KIF26B: variants seen among roughly 807,000 people sequenced by gnomAD.
KIF26B encodes kinesin-like protein KIF26B.
A neutral mutation model predicts 151.2 loss-of-function variants in KIF26B; 63 were observed. The observed-to-expected ratio is 0.42, with a 90% CI of 0.34 to 0.51. The LOEUF is 0.51. KIF26B is among the 20% of genes least tolerant of loss of function. The pLI is 0.07. For synonymous variants in KIF26B, 1,357 were observed against 1,262.1 expected, an observed-to-expected ratio of 1.08 and a Z score of -1.59; for missense variants, 2,813 against 2,913.6, an observed-to-expected ratio of 0.97 and a Z score of 0.79.
At chr1:245,503,766 C>T (rs367678559) in intron 4 of KIF26B, among the ~76,000 whole-genome samples, 2 of 152,154 alleles carry the variant, frequency 1.3e-5, no homozygotes, top group African/African-American at 4.8e-5. Flanking sequence ...TCGGCGTTGC[C>T]GCAGGGTGGC....
chr1:245,361,117 T>C (rs1365563663), intron 2 of KIF26B, among the ~76,000 whole-genome samples: 1 of 152,236 alleles, frequency 6.6e-6, no homozygotes, highest in African/African-American at 2.4e-5. Flanking sequence ...CTCCCTTTTC[T>C]TTTGACGTGG....
intron 4 of KIF26B, among the ~76,000 whole-genome samples, chr1:245,481,463 C>A (rs772682059): frequency 6.6e-6 from 1 of 151,858 alleles, no homozygotes; most frequent in Non-Finnish European, 1.5e-5. Flanking sequence ...GGGAAAGGAG[C>A]ATGGTGGTTG....
At chr1:245,188,855 T>C (rs907597824) in intron 2 of KIF26B, among the ~76,000 whole-genome samples, 6 of 152,228 alleles carry the variant, frequency 3.9e-5, no homozygotes, top group African/African-American at 1.4e-4. Context: ...TCTATGTATT[T>C]ACAATGGAAT....
chr1:245,574,853 CTTTTTTTTTTCTTTTTTTTTTTTT>C (rs1342199770), intron 5 of KIF26B, among the ~76,000 whole-genome samples: 8 of 138,970 alleles, frequency 5.8e-5, no homozygotes, highest in African/African-American at 2.1e-4. Flanking sequence ...ATATCTTTTT[CTTTTTTTTTTCTTTTTTTTTTTTT>C]TTTTGAGACA....
intron 9 of KIF26B, among the ~76,000 whole-genome samples, chr1:245,627,468 T>C (rs2043736305): frequency 6.6e-6 from 1 of 152,116 alleles, no homozygotes; most frequent in South Asian, 2.1e-4. Flanking sequence ...CCAGAAGCTC[T>C]GGGACACCGC....
chr1:245,436,501 G>A (rs1658936259), intron 4 of KIF26B, among the ~76,000 whole-genome samples: 1 of 152,200 alleles, frequency 6.6e-6, no homozygotes, highest in Non-Finnish European at 1.5e-5. Flanking sequence ...TGTGATCGTG[G>A]GGGTTGGCAA....
chr1:245,679,634 A>G (rs764619440), intron 10 of KIF26B, among the ~76,000 whole-genome samples: 3 of 151,398 alleles, frequency 2.0e-5, no homozygotes, highest in Non-Finnish European at 4.4e-5. Flanking sequence ...ATGCCCAGAT[A>G]ATTTTTGTAT....
chr1:245,432,906 T>C (rs1241385501), intron 4 of KIF26B, among the ~76,000 whole-genome samples: 1 of 152,194 alleles, frequency 6.6e-6, no homozygotes, highest in Non-Finnish European at 1.5e-5. Context: ...CTGGTTGACA[T>C]CCCTCCTTTT....
intron 3 of KIF26B, among the ~76,000 whole-genome samples, chr1:245,391,710 CT>C (rs1405211524): frequency 7.3e-5 from 11 of 151,042 alleles, no homozygotes; most frequent in Admixed American, 6.6e-4. Flanking sequence ...AGCAATGCCA[CT>C]TTTCTTACTA....
chr1:245,317,999 G>A (rs1292534594), intron 2 of KIF26B, among the ~76,000 whole-genome samples: 5 of 152,220 alleles, frequency 3.3e-5, no homozygotes, highest in Non-Finnish European at 7.4e-5. Flanking sequence ...AACACTACAG[G>A]TTACACTTCA....
At position 245,653,362 on chromosome 1, in the gene KIF26B, T is replaced by C. The variant is rs116730716; in HGVS notation, c.2258+7082T>C. 8.0e-3 allele frequency among the ~76,000 whole-genome samples: 1,223 copies of C among 152,286 alleles called. 19 individuals are homozygous for C. Among genetic ancestry groups the C allele is most frequent in the African/African-American group, 0.028 (1,149 of 41,562 alleles). On this transcript the variant is annotated intron_variant, in intron 10 of 14. Transcript: ENST00000407071. ...GGAGAAAATGATTTCTAGTACTTAT[T>C]TCCTGGCATTTCAGCTACATGGAAG...
chr1:245,633,269 T>C (rs2103173665), intron 9 of KIF26B, among the ~76,000 whole-genome samples: 1 of 146,632 alleles, frequency 6.8e-6, no homozygotes, highest in South Asian at 2.2e-4. Context: ...GGAGACAGCA[T>C]ACAGTTGGGT....
chr1:245,490,590 C>T (rs931714068), intron 4 of KIF26B, among the ~76,000 whole-genome samples: 3 of 152,102 alleles, frequency 2.0e-5, no homozygotes, highest in African/African-American at 7.2e-5. Flanking sequence ...GAATTACAGG[C>T]GTGAGCCACC....
intron 4 of KIF26B, among the ~76,000 whole-genome samples, chr1:245,532,980 T>C (rs557713663): frequency 2.0e-5 from 3 of 152,336 alleles, no homozygotes; most frequent in Admixed American, 1.3e-4. Context: ...GTTTGTTACA[T>C]GTGGATGAAT....
intron 4 of KIF26B, among the ~76,000 whole-genome samples, chr1:245,423,125 G>T (rs1023669558): frequency 2.7e-5 from 4 of 148,290 alleles, no homozygotes; most frequent in Non-Finnish European, 4.5e-5. Flanking sequence ...AGGAAAGAAA[G>T]AAAGAAAGAA....
rs527820769 is a variant in KIF26B at position 245,219,412 on chromosome 1, C to T, written c.465+62729C>T. On this transcript the variant is annotated intron_variant, in intron 2 of 14. Coordinates refer to ENST00000407071, the MANE Select transcript of KIF26B (RefSeq NM_018012.4). ...GGGATTATAGGCGCGAGCCACTGCG[C>T]CTAGTCTGCTCTGGTTTCTAATAGA... is the stretch of plus-strand genomic sequence containing the variant. 4.1e-4 allele frequency among the ~76,000 whole-genome samples: 62 copies of T among 152,006 alleles called. No homozygotes were observed. The East Asian group carries it at 8.8e-3, about 21-fold the overall frequency.
In KIF26B at chr1:245,341,303, GTTTTTTTTTTTTTTTTTTTTT is replaced by G. The variant is rs34249209; in HGVS notation, c.466-25516_466-25496del. 8.7e-4 allele frequency among the ~76,000 whole-genome samples: 72 copies of G among 82,608 alleles called. 1 individual carries two copies. The East Asian group carries it at 0.013, about 15-fold the overall frequency. The allele number at this position is 82,608 out of a possible 152,430, so 54.2% of individuals were successfully genotyped here. On this transcript the variant is annotated intron_variant, in intron 2 of 14. Coordinates refer to ENST00000407071, the MANE Select transcript of KIF26B (RefSeq NM_018012.4). ...AAAGCCAAGGGCTTAAAAAGATGCA[GTTTTTTTTTTTTTTTTTTTTT>G]TTTTTTTTTTTTTTGAGACACTGTC...
intron 5 of KIF26B, among the ~76,000 whole-genome samples, chr1:245,583,028 C>G (rs1341345864): frequency 2.0e-5 from 3 of 152,172 alleles, no homozygotes; most frequent in Non-Finnish European, 2.9e-5. Context: ...GTAACCACCC[C>G]CTACTCACCC....
chr1:245,586,843 G>A lies in KIF26B; in HGVS notation c.1351-15734G>A, dbSNP rs544265280. On this transcript the variant is annotated intron_variant, in intron 5 of 14. Transcript: ENST00000407071. ...GGAGCTTGCAGTGAGCCGAGATTGCGCCACTGCAGTCCGCAGTCCGGCCTG... is the reference window on the plus strand; with the variant it reads ...GGAGCTTGCAGTGAGCCGAGATTGCACCACTGCAGTCCGCAGTCCGGCCTG... Among the ~76,000 whole-genome samples the A allele has an allele frequency of 3.9e-3, 574 of 147,858 alleles. 3 individuals carry two copies. Among genetic ancestry groups the A allele is most frequent in the Non-Finnish European group, 4.9e-3 (329 of 67,620 alleles).
Sources: allele counts gnomAD v4.1 joint callset (sites outside exome capture counted in the v4.1 genomes callset), GRCh38; gene constraint gnomAD v4.1.1; transcripts MANE v1.5; gene names NCBI Gene and HGNC (gene_info 2026-07-23, HGNC 2026-07-21).